The following E2F8 variants were observed in gnomAD, a reference collection of about 807,000 sequenced individuals.
The protein encoded by E2F8 is E2F transcription factor 8, also known as transcription factor E2F8.
Under a neutral mutation model 80.8 loss-of-function variants are expected in E2F8, and 35 were observed. The observed-to-expected ratio is 0.43, with a 90% CI of 0.33 to 0.57. E2F8 has a LOEUF of 0.57. Ranked by LOEUF, E2F8 falls within the 20% of genes least tolerant of loss-of-function variation. E2F8 has a pLI of 0.04. For missense variants in E2F8, 975 were observed against 1,056.2 expected (o/e 0.92, Z 1.07); for synonymous variants, 386 against 395.0 (o/e 0.98, Z 0.27).
In E2F8 at chr11:19,229,854, G is replaced by A. The variant is rs1464722344; in HGVS notation, c.1493C>T (p.Pro498Leu). 2.5e-6 allele frequency: 4 copies of A among 1,613,884 alleles called. No individual in the cohort carries two copies. The highest frequency in any genetic ancestry group is 1.3e-5 in the African/African-American group (1 of 74,886). ...PSLIQPLGMV[P>L]LIPSPLSSAV... The stretch of plus-strand genomic sequence containing the variant: ...TGATGACAAGGGGCTGGGGATCAGG[G>A]GAACCATTCCCAGGGGCTGGATGAG... The change falls in exon 10 of 13, where the codon CCC (proline) becomes CTC (leucine). Residue 498 changes from proline to leucine, a missense_variant. Pro to Leu is a moderately conservative substitution (Grantham distance 98). Transcript: ENST00000250024. This position sits in a 1 kb window ranked among gnomAD's most constrained non-coding sequence, Gnocchi z 4.3.
At chr11:19,232,192 A>T (rs1851400170) in intron 7 of E2F8, 42 bp downstream of exon 7, 1 of 1,602,656 alleles carries the variant, frequency 6.2e-7, no homozygotes, top group Admixed American at 1.7e-5. Flanking sequence ...AAAAACACAC[A>T]CACAAATAAT....
Position 19,225,722 on chromosome 11 carries a change from G to A in E2F8, c.2026+10C>T, listed in dbSNP as rs369511951. 1.1e-4 allele frequency: 173 copies of A among 1,614,028 alleles called. No homozygotes were observed. Among genetic ancestry groups the A allele is most frequent in the Non-Finnish European group, 1.4e-4 (166 of 1,180,012 alleles). On this transcript the variant is annotated intron_variant, in intron 11 of 12. Coordinates refer to ENST00000250024, the MANE Select transcript of E2F8 (RefSeq NM_024680.4). ...GGCCCACATCTGGTTAGTGTTTTATGTGCACTCACCTGCAATTGGGGAGCT... is the reference window on the plus strand; with the variant it reads ...GGCCCACATCTGGTTAGTGTTTTATATGCACTCACCTGCAATTGGGGAGCT...
chr11:19,235,510 G>A lies in E2F8; in HGVS notation c.452-452C>T, dbSNP rs1264369638. Among the ~76,000 whole-genome samples the A allele has an allele frequency of 2.0e-5, 3 of 152,282 alleles. No homozygotes were observed. In the East Asian group the frequency reaches 5.8e-4, roughly 29 times the overall value. Reference sequence around the variant, plus strand: ...AAAAATACAAAAAAATTAGCCGGGTGTGGTGGCGGGTGCCTGTAGTCCCAG... The same window carrying A: ...AAAAATACAAAAAAATTAGCCGGGTATGGTGGCGGGTGCCTGTAGTCCCAG... On this transcript the variant is annotated intron_variant, in intron 4 of 12. Transcript: ENST00000250024.
rs753353748 is a variant in E2F8 at position 19,225,569 on chromosome 11, G to A, written c.2073C>T (p.Pro691=). 2 of 1,614,070 alleles carry A rather than the reference G, an allele frequency of 1.2e-6. No individual in the cohort carries two copies. Among genetic ancestry groups the A allele is most frequent in the African/African-American group, 1.3e-5 (1 of 74,928 alleles). Residue 691 remains proline, a synonymous_variant, in exon 12 of 13, where the codon CCC becomes CCT. Transcript: ENST00000250024. ...GCTTCAACGGTGTTACATGAAAAGA[G>A]GGAAAATTAACAGCAGTGAGTTCAG... The part of the protein sequence containing the change: ...TSSELTAVNF[P]SFHVTPLKLM...
At chr11:19,227,273 C>T (rs1195349370) in intron 10 of E2F8, among the ~76,000 whole-genome samples, 3 of 151,978 alleles carry the variant, frequency 2.0e-5, no homozygotes, top group Non-Finnish European at 4.4e-5. Flanking sequence ...GTACTTGGTC[C>T]CACTCAAAAT....
At position 19,229,559 on chromosome 11, in the gene E2F8, C is replaced by T. The variant is rs752612327; in HGVS notation, c.1788G>A (p.Arg596=). ...PERQGAKSRT[R]EPAGERGSKR... Reference sequence around the variant, plus strand: ...TTGAGCCTCTTTCTCCAGCTGGCTCCCTGGTTCGGCTCTTTGCCCCTTGCC... The same window carrying T: ...TTGAGCCTCTTTCTCCAGCTGGCTCTCTGGTTCGGCTCTTTGCCCCTTGCC... Residue 596 remains arginine, a synonymous_variant, in exon 10 of 13, where the codon AGG becomes AGA. Transcript: ENST00000250024. This position sits in a 1 kb window ranked among gnomAD's most constrained non-coding sequence, Gnocchi z 4.3. The T allele has an allele frequency of 9.3e-6, 15 of 1,614,238 alleles. No individual in the cohort carries two copies. Among genetic ancestry groups the T allele is most frequent in the Non-Finnish European group, 1.3e-5 (15 of 1,180,052 alleles).
chr11:19,225,090 G>A (rs1851195100), intron 12 of E2F8, 131 bp downstream of exon 12: 1 of 1,336,518 alleles, frequency 7.5e-7, no homozygotes, highest in Non-Finnish European at 1.0e-6. Context: ...AAGAAACATA[G>A]GCCTTCAATC....
At chr11:19,232,959 G>A (rs1851419468) in intron 6 of E2F8, among the ~76,000 whole-genome samples, 1 of 152,098 alleles carries the variant, frequency 6.6e-6, no homozygotes, top group Admixed American at 6.5e-5. Context: ...CATCTTGATA[G>A]TACAAATTAC....
At position 19,240,238 on chromosome 11, in the gene E2F8, A is replaced by C; in HGVS notation, c.-109-8T>G. ...ACTAAAAGTTTTAATATCCTTAAAG[A>C]AAAAAGGAAATAGAAAAAGTTAGAG... On this transcript the variant is annotated splice_polypyrimidine_tract_variant and splice_region_variant and intron_variant, in intron 1 of 12. Coordinates refer to ENST00000250024, the MANE Select transcript of E2F8 (RefSeq NM_024680.4). 1 of 575,468 alleles carries C rather than the reference A, an allele frequency of 1.7e-6. No individual in the cohort carries two copies. The highest frequency in any genetic ancestry group is 5.3e-5 in the South Asian group (1 of 18,788). 35.6% of individuals were successfully genotyped at this position (575,468 alleles called of 1,614,324 possible). A position where few individuals can be genotyped will look rare whatever the true frequency, so the allele number is the denominator to read the frequency against.
Position 19,232,268 on chromosome 11 carries a change from T to C in E2F8, c.1032A>G (p.Lys344=). The change falls in exon 7 of 13, where the codon AAA becomes AAG. Residue 344 remains lysine, a synonymous_variant. Transcript: ENST00000250024. ...TEERGRKPAF[K]WTGPEISPNT... is the part of the protein sequence containing the mutation. ...TTGGACTGATTTCTGGGCCGGTCCA[T>C]TTGAAAGCTGGTTTTCGGCCTCTTT... 6.2e-7 allele frequency: 1 copy of C among 1,614,164 alleles called. No homozygotes were observed. The highest frequency in any genetic ancestry group is 8.5e-7 in the Non-Finnish European group (1 of 1,180,020).
rs368642770 is a variant in E2F8, at chr11:19,234,385, T to C, written c.903A>G (p.Glu301=). 3.5e-5 allele frequency: 57 copies of C among 1,613,968 alleles called. No individual in the cohort carries two copies. The African/African-American group carries it at 6.8e-4, about 19-fold the overall frequency. The change falls in exon 6 of 13, where the codon GAA becomes GAG. Residue 301 remains glutamate, a synonymous_variant. Transcript: ENST00000250024. ...AKILIGEDHV[E]DLDKSKFKTK... is the part of the protein sequence containing the mutation. Reference sequence around the variant, plus strand: ...TTTTAAACTTGCTTTTATCCAAATCTTCCACATGGTCCTCCCCAATTAAAA... The same window carrying C: ...TTTTAAACTTGCTTTTATCCAAATCCTCCACATGGTCCTCCCCAATTAAAA...
chr11:19,241,200 C>G (rs1792457044), upstream of E2F8, among the ~76,000 whole-genome samples: 1 of 152,226 alleles, frequency 6.6e-6, no homozygotes, highest in African/African-American at 2.4e-5. The surrounding 1 kb of genome is among the most constrained non-coding windows in gnomAD (Gnocchi z 4.5). Context: ...GGCCTGAGCG[C>G]GGGCAAACCC....
chr11:19,235,979 C>G (rs1341493201), intron 4 of E2F8, among the ~76,000 whole-genome samples: 1 of 152,166 alleles, frequency 6.6e-6, no homozygotes, highest in African/African-American at 2.4e-5. Flanking sequence ...AATTCTGTGA[C>G]TCTATCTATT....
In E2F8 at chr11:19,232,242, T is replaced by A; in HGVS notation, c.1058A>T (p.Asn353Ile). Residue 353 changes from asparagine to isoleucine, a missense_variant, in exon 7 of 13, where the codon AAT becomes ATT. By Grantham distance (149) the Asn-to-Ile change is moderately radical (BLOSUM62 -3). Coordinates refer to ENST00000250024, the MANE Select transcript of E2F8 (RefSeq NM_024680.4). The part of the protein sequence containing the change: ...FKWTGPEISP[N>I]TSGSSPVIHF... ...AAGAAAAAAATACATACCACTGGTA[T>A]TTGGACTGATTTCTGGGCCGGTCCA... 2 of 1,613,756 alleles carry A rather than the reference T, an allele frequency of 1.2e-6. No individual in the cohort carries two copies. Among genetic ancestry groups the A allele is most frequent in the Non-Finnish European group, 1.7e-6 (2 of 1,179,920 alleles).
At chr11:19,232,524 C>A (rs1169610120) in intron 6 of E2F8, among the ~76,000 whole-genome samples, 153 bp from the exon 7 acceptor site, 1 of 151,848 alleles carries the variant, frequency 6.6e-6, no homozygotes, top group Non-Finnish European at 1.5e-5. Context: ...TCTGGTGATA[C>A]AACTTTAATT....
In E2F8 at chr11:19,234,723, GT is replaced by G. The variant is rs1355282885; in HGVS notation, c.766+20del. 5 of 1,593,972 alleles carry G rather than the reference GT, an allele frequency of 3.1e-6. No homozygotes were observed. The African/African-American group carries it at 6.7e-5, about 21-fold the overall frequency. ...GAGGACAAATGCCATGCCGCCTGGA[GT>G]TTTCACTACCATCTCTCACCTGCCC... On this transcript the variant is annotated intron_variant, in intron 5 of 12. Coordinates refer to ENST00000250024, the MANE Select transcript of E2F8 (RefSeq NM_024680.4).
intron 10 of E2F8, among the ~76,000 whole-genome samples, chr11:19,228,738 T>A (rs1257086802): frequency 1.3e-5 from 2 of 152,264 alleles, no homozygotes; most frequent in Non-Finnish European, 2.9e-5. Flanking sequence ...GATACAGTAA[T>A]GTCTCTCATA....
At position 19,230,853 on chromosome 11, in the gene E2F8, G is replaced by A. The variant is rs1851360989; in HGVS notation, c.1067-19C>T. On this transcript the variant is annotated intron_variant, in intron 7 of 12. Transcript: ENST00000250024. ...CTGGAGCCTGAAACAGAAAACGTCT[G>A]TGTATTAAAACCTGGATGGCTCAGT... The A allele has an allele frequency of 6.2e-7, 1 of 1,612,688 alleles. No individual in the cohort carries two copies. Among genetic ancestry groups the A allele is most frequent in the Non-Finnish European group, 8.5e-7 (1 of 1,179,068 alleles).
At position 19,230,734 on chromosome 11, in the gene E2F8, T is replaced by C. The variant is rs1851356336; in HGVS notation, c.1167A>G (p.Pro389=). 1 of 1,614,186 alleles carries C rather than the reference T, an allele frequency of 6.2e-7. No individual in the cohort carries two copies. The highest frequency in any genetic ancestry group is 1.1e-5 in the South Asian group (1 of 91,076). ...AKNLFSTRGK[P]NFTRHPSLIK... ...TAAGAGATGGGTGTCGAGTAAAGTTTGGTTTCCCACGTGTGGAAAAGAGGT... is the reference window on the plus strand; with the variant it reads ...TAAGAGATGGGTGTCGAGTAAAGTTCGGTTTCCCACGTGTGGAAAAGAGGT... The change falls in exon 8 of 13, where the codon CCA becomes CCG. Residue 389 remains proline, a synonymous_variant. Transcript: ENST00000250024.
Sources: gnomAD v4.1 joint callset for allele counts (sites outside exome capture counted in the v4.1 genomes callset) on GRCh38, gnomAD v4.1.1 for gene constraint, Gnocchi (gnomAD v3.1) non-coding constraint, MANE v1.5 for transcripts, NCBI Gene and HGNC (gene_info 2026-07-23, HGNC 2026-07-21) for gene names.